The following PAN3 variants were observed in gnomAD, a reference collection of about 807,000 sequenced individuals.
The protein encoded by PAN3 is PAN2-PAN3 deadenylation complex subunit PAN3.
A neutral mutation model predicts 96.2 loss-of-function variants in PAN3; 19 were observed. The ratio of observed to expected loss-of-function variants is 0.20; its 90% CI spans 0.14 to 0.29. The LOEUF is 0.29. Ranked by LOEUF, PAN3 falls within the 10% of genes least tolerant of loss-of-function variation. PAN3 has a pLI of 1.00. For missense variants in PAN3, 882 were observed against 1,108.1 expected (o/e 0.80, Z 2.90); for synonymous variants, 433 against 406.6 (o/e 1.06, Z -0.78).
chr13:28,147,082 A>C (rs1054890161), intron 1 of PAN3, among the ~76,000 whole-genome samples: 1 of 152,252 alleles, frequency 6.6e-6, no homozygotes, highest in African/African-American at 2.4e-5. Flanking sequence ...TATCGACCAA[A>C]ACATTGTTAC....
At chr13:28,255,131 G>A (rs1408173842) in intron 6 of PAN3, among the ~76,000 whole-genome samples, 1 of 152,024 alleles carries the variant, frequency 6.6e-6, no homozygotes, top group Non-Finnish European at 1.5e-5. Context: ...TTGTGACTAG[G>A]GCATTTTTGG....
chr13:28,163,694 A>T (rs1873166725), intron 1 of PAN3, among the ~76,000 whole-genome samples: 3 of 152,212 alleles, frequency 2.0e-5, no homozygotes, highest in Admixed American at 6.5e-5. Flanking sequence ...TCCAGATGGT[A>T]AAGTGTGGGA....
intron 1 of PAN3, among the ~76,000 whole-genome samples, chr13:28,158,546 G>A (rs1032505741): frequency 3.9e-5 from 6 of 152,166 alleles, no homozygotes; most frequent in African/African-American, 1.4e-4. Context: ...ACGCTTTTCA[G>A]AAGAAGACAT....
chr13:28,150,100 G>A (rs186930825), intron 1 of PAN3, among the ~76,000 whole-genome samples: 1 of 152,240 alleles, frequency 6.6e-6, no homozygotes, highest in East Asian at 1.9e-4. Context: ...ACTTGATTGA[G>A]AGATGAGATC....
At chr13:28,225,689 A>G (rs1413667160) in intron 6 of PAN3, among the ~76,000 whole-genome samples, 2 of 152,238 alleles carry the variant, frequency 1.3e-5, no homozygotes, top group Non-Finnish European at 2.9e-5. Context: ...GTCTTCTGCT[A>G]AACCAAAGTC....
chr13:28,147,810 C>G (rs1340933974), intron 1 of PAN3, among the ~76,000 whole-genome samples: 6 of 152,130 alleles, frequency 3.9e-5, no homozygotes, highest in African/African-American at 1.4e-4. Flanking sequence ...CTCACTAATC[C>G]TGGCTGAGTC....
In PAN3 at chr13:28,220,318, T is replaced by G. The variant is rs1881269336; in HGVS notation, c.940T>G (p.Phe314Val). The G allele has an allele frequency of 6.2e-7, 1 of 1,613,698 alleles. No individual in the cohort carries two copies. The highest frequency in any genetic ancestry group is 1.7e-5 in the Admixed American group (1 of 59,978). ...CGTGTCCCAGTCAAATATGTCTGCC[T>G]TCTCTCAAGTTTTCTCTCACCCATC... ...SNVSQSNMSA[F>V]SQVFSHPSMG... is the part of the protein sequence containing the mutation. Residue 314 changes from phenylalanine (F) to valine (V), a missense_variant, in exon 6 of 19, where the codon TTC (phenylalanine) becomes GTC (valine). By Grantham distance (50) the Phe-to-Val change is conservative. Coordinates refer to ENST00000380958, the MANE Select transcript of PAN3 (RefSeq NM_175854.8).
chr13:28,280,373 T>A (rs1356139876), intron 15 of PAN3, 39 bp from the exon 16 acceptor site: 1 of 1,573,722 alleles, frequency 6.4e-7, no homozygotes, highest in South Asian at 1.2e-5. Flanking sequence ...TTAAATTGCA[T>A]GTTGGACATC....
intron 6 of PAN3, among the ~76,000 whole-genome samples, chr13:28,250,746 C>T (rs564146942): frequency 2.9e-4 from 44 of 152,266 alleles, no homozygotes; most frequent in Non-Finnish European, 5.4e-4. Context: ...TCAAGCAGTC[C>T]GCCTGCGTCA....
At chr13:28,193,149 G>C (rs1877501511) in intron 4 of PAN3, among the ~76,000 whole-genome samples, 1 of 152,194 alleles carries the variant, frequency 6.6e-6, no homozygotes, top group Non-Finnish European at 1.5e-5. Context: ...GCCACATTCA[G>C]AGTCATCCTG....
intron 18 of PAN3, 129 bp downstream of exon 18, chr13:28,288,251 TTAA>T: frequency 1.3e-6 from 1 of 790,264 alleles, no homozygotes; most frequent in East Asian, 3.0e-5. Flanking sequence ...AGACGTTTTA[TTAA>T]TAACATTTTC....
At chr13:28,177,400 T>G (rs1442716837) in intron 3 of PAN3, among the ~76,000 whole-genome samples, 1 of 152,164 alleles carries the variant, frequency 6.6e-6, no homozygotes, top group African/African-American at 2.4e-5. Context: ...TATGGAATAG[T>G]TTGCAGAGTA....
intron 4 of PAN3, among the ~76,000 whole-genome samples, chr13:28,196,523 T>TA (rs1878076255): frequency 6.6e-6 from 1 of 152,010 alleles, no homozygotes; most frequent in Non-Finnish European, 1.5e-5. Flanking sequence ...TATTGAGATT[T>TA]AAAAGACCAA....
intron 6 of PAN3, among the ~76,000 whole-genome samples, chr13:28,226,288 CAT>C (rs1294768462): frequency 6.6e-6 from 1 of 152,092 alleles, no homozygotes; most frequent in Non-Finnish European, 1.5e-5. Flanking sequence ...TTTTAATAAA[CAT>C]AACAGATTTT....
intron 5 of PAN3, among the ~76,000 whole-genome samples, chr13:28,208,390 A>C (rs1879620664): frequency 6.6e-6 from 1 of 152,200 alleles, no homozygotes; most frequent in African/African-American, 2.4e-5. Flanking sequence ...ACAGTGATAG[A>C]ATAAACTAGG....
chr13:28,258,328 A>C (rs1316527613), intron 7 of PAN3, among the ~76,000 whole-genome samples: 1 of 152,224 alleles, frequency 6.6e-6, no homozygotes, highest in Non-Finnish European at 1.5e-5. Context: ...TGAAAGAATG[A>C]AAAAATAGAA....
intron 5 of PAN3, among the ~76,000 whole-genome samples, 190 bp from the exon 6 acceptor site, chr13:28,220,041 A>C (rs1461126641): frequency 6.6e-6 from 1 of 152,224 alleles, no homozygotes; most frequent in Non-Finnish European, 1.5e-5. Flanking sequence ...AAAGTCTTCA[A>C]ATTTGATGAT....
chr13:28,204,261 T>C (rs1391424532), intron 5 of PAN3, among the ~76,000 whole-genome samples: 1 of 152,218 alleles, frequency 6.6e-6, no homozygotes, highest in Admixed American at 6.5e-5. Context: ...CCCAGGATGT[T>C]TACCTATCAC....
chr13:28,183,354 C>G (rs1876047553), intron 4 of PAN3, among the ~76,000 whole-genome samples: 1 of 152,162 alleles, frequency 6.6e-6, no homozygotes, highest in Middle Eastern at 3.2e-3. Context: ...GTATTGTTCA[C>G]TAATGTTTCT....
Sources: gnomAD v4.1 joint callset for allele counts (sites outside exome capture counted in the v4.1 genomes callset) on GRCh38, gnomAD v4.1.1 for gene constraint, MANE v1.5 for transcripts, NCBI Gene and HGNC (gene_info 2026-07-23, HGNC 2026-07-21) for gene names.